The following EPHB3 variants were observed in gnomAD, a reference collection of about 807,000 sequenced individuals.
EPHB3 encodes the protein ephrin type-B receptor 3.
A neutral mutation model predicts 100.2 loss-of-function variants in EPHB3; 33 were observed. The ratio of observed to expected loss-of-function variants is 0.33; its 90% confidence interval spans 0.25 to 0.44. The LOEUF (loss-of-function observed/expected upper bound fraction) is 0.44, where lower values mean the gene tolerates loss of function less well. Among genes scored for constraint, EPHB3 ranks in the 20% least tolerant of loss-of-function variants. EPHB3 has a pLI of 1.00. For synonymous variants in EPHB3, 526 were observed against 554.7 expected (o/e 0.95, Z 0.73); for missense variants, 1,045 against 1,378.3 (o/e 0.76, Z 3.83).
chr3:184,578,376 C>T lies in EPHB3; in HGVS notation c.1749-38C>T. ...GCCCTGAACAAAGGGAGGCAGATGA[C>T]TTGTCTCAGGCCTGCCCTCCACCCT... On this transcript the variant is annotated intron_variant, in intron 8 of 15. Coordinates refer to ENST00000330394, the MANE Select transcript of EPHB3 (RefSeq NM_004443.4). This position sits in a 1 kb window ranked among gnomAD's most constrained non-coding sequence, Gnocchi z 4.7. The T allele has an allele frequency of 6.2e-7, 1 of 1,613,638 alleles. No individual in the cohort carries two copies. Among genetic ancestry groups the T allele is most frequent in the East Asian group, 2.2e-5 (1 of 44,880 alleles).
At position 184,573,976 on chromosome 3, in the gene EPHB3, A is replaced by G. The variant is rs1714610091; in HGVS notation, c.856+800A>G. On this transcript the variant is annotated intron_variant, in intron 3 of 15. Coordinates refer to ENST00000330394, the MANE Select transcript of EPHB3 (RefSeq NM_004443.4). This position sits in a 1 kb window ranked among gnomAD's most constrained non-coding sequence, Gnocchi z 4.5. ...GTGATCCACCCGCCTCGGCCTCCCA[A>G]AGCGTTGGGATTACAGGTGTAAGCC... Among the ~76,000 whole-genome samples, 1 of 152,076 alleles carries G rather than the reference A, an allele frequency of 6.6e-6. No individual in the cohort carries two copies. The highest frequency in any genetic ancestry group is 1.5e-5 in the Non-Finnish European group (1 of 68,002).
rs748640806 is a variant in EPHB3 at position 184,577,427 on chromosome 3, A to G, written c.1439A>G (p.Asn480Ser). 10 of 1,613,876 alleles carry G rather than the reference A, an allele frequency of 6.2e-6. No homozygotes were observed. The highest frequency in any genetic ancestry group is 1.7e-5 in the Admixed American group (1 of 60,000). The change falls in exon 6 of 16, where the codon AAC becomes AGC. Residue 480 changes from asparagine to serine, a missense_variant. Transcript: ENST00000330394. The surrounding 1 kb of genome is among the most constrained non-coding windows in gnomAD (Gnocchi z 4.9). ...TLSWAPPERP[N>S]GVILDYEMKY... ...TCCTGGGCACCCCCAGAGCGGCCCA[A>G]CGGAGTCATCCTGGACTACGAGATG...
rs1288655566 is a variant in EPHB3 at position 184,562,102 on chromosome 3, C to T, written c.-134C>T. 1 of 170,980 alleles carries T rather than the reference C, an allele frequency of 5.8e-6. No individual in the cohort carries two copies. The highest frequency in any genetic ancestry group is 1.2e-5 in the Non-Finnish European group (1 of 81,532). The allele number at this position is 170,980 out of a possible 1,614,324, so 10.6% of individuals were successfully genotyped here. On this transcript the variant is annotated 5_prime_UTR_variant, in exon 1 of 16. Transcript: ENST00000330394. The surrounding 1 kb of genome is among the most constrained non-coding windows in gnomAD (Gnocchi z 4.8). ...GCCCGCCTGGATTGCATTCCCTCCT[C>T]TCCTGGATCTCCTGGGACCCGACGC...
In EPHB3 at chr3:184,562,283, T is replaced by C. The variant is rs2108432550; in HGVS notation, c.48T>C (p.Leu16=). 8.2e-7 allele frequency: 1 copy of C among 1,225,606 alleles called. No homozygotes were observed. Among genetic ancestry groups the C allele is most frequent in the Non-Finnish European group, 1.0e-6 (1 of 979,732 alleles). The allele number at this position is 1,225,606 out of a possible 1,614,324, so 75.9% of individuals were successfully genotyped here. Residue 16 remains leucine (L), a synonymous_variant, in exon 1 of 16, where the codon CTT becomes CTC. Transcript: ENST00000330394. The surrounding 1 kb of genome is among the most constrained non-coding windows in gnomAD (Gnocchi z 4.8). ...PPPPPSPPPG[L]LPLLPPLLLL... ...CGCCGCCGTCGCCGCCGCCGGGGCT[T>C]CTGCCGCTGCTCCCTCCGCTGCTGC...
In EPHB3 at chr3:184,575,951, T is replaced by G. The variant is rs368716878; in HGVS notation, c.978T>G (p.Arg326=). ...SICTCHNNFY[R]ADSDSADSAC... is the part of the protein sequence containing the mutation. ...GCACCTGCCACAATAACTTCTACCG[T>G]GCAGACTCGGACTCTGCGGACAGTG... is the stretch of plus-strand genomic sequence containing the variant. The change falls in exon 4 of 16, where the codon CGT becomes CGG. Residue 326 remains arginine (R), a synonymous_variant. Transcript: ENST00000330394. 83 of 1,613,656 alleles carry G rather than the reference T, an allele frequency of 5.1e-5. No homozygotes were observed. Among genetic ancestry groups the G allele is most frequent in the Middle Eastern group, 3.3e-4 (2 of 6,080 alleles).
In EPHB3 at chr3:184,576,996, C is replaced by T. The variant is rs1714692246; in HGVS notation, c.1167C>T (p.Cys389=). 6.2e-7 allele frequency: 1 copy of T among 1,613,888 alleles called. No individual in the cohort carries two copies. Among genetic ancestry groups the T allele is most frequent in the African/African-American group, 1.3e-5 (1 of 75,070 alleles). ...KCHGAGGASA[C]SRCDDNVEFV... ...ATGGGGCTGGAGGGGCCTCAGCCTGCTCACGCTGTGATGACAACGTGGAGT... is the reference window on the plus strand; with the variant it reads ...ATGGGGCTGGAGGGGCCTCAGCCTGTTCACGCTGTGATGACAACGTGGAGT... The change falls in exon 5 of 16, where the codon TGC becomes TGT. Residue 389 remains cysteine (C), a synonymous_variant. Transcript: ENST00000330394.
chr3:184,577,009 G>A lies in EPHB3; in HGVS notation c.1180G>A (p.Asp394Asn). The change falls in exon 5 of 16, where the codon GAC becomes AAC. Residue 394 changes from aspartate to asparagine, a missense_variant. By Grantham distance (23) the Asp-to-Asn change is conservative. Around this residue, in one of 2 missense-constraint regions of EPHB3, gnomAD observed 985 missense variants for 1,331.1 expected, o/e 0.74. Transcript: ENST00000330394. This position sits in a 1 kb window ranked among gnomAD's most constrained non-coding sequence, Gnocchi z 4.9. Reference protein sequence around the residue: ...GGASACSRCDDNVEFVPRQLG... With the variant: ...GGASACSRCDNNVEFVPRQLG... ...GGCCTCAGCCTGCTCACGCTGTGAT[G>A]ACAACGTGGAGTTTGTGCCTCGGCA... 6.2e-7 allele frequency: 1 copy of A among 1,614,002 alleles called. No individual in the cohort carries two copies. Among genetic ancestry groups the A allele is most frequent in the Non-Finnish European group, 8.5e-7 (1 of 1,180,020 alleles).
chr3:184,566,027 G>T (rs1285942997), intron 1 of EPHB3, among the ~76,000 whole-genome samples: 1 of 150,028 alleles, frequency 6.7e-6, no homozygotes, highest in Non-Finnish European at 1.5e-5. Context: ...TTGGGCAGCT[G>T]GGGGGGGTGA....
At chr3:184,576,529 G>A (rs1714681258) in intron 4 of EPHB3, among the ~76,000 whole-genome samples, 1 of 152,330 alleles carries the variant, frequency 6.6e-6, no homozygotes, top group East Asian at 1.9e-4. Context: ...AGAAATAGGT[G>A]TAAAAACAGA....
rs112247281 is a variant in EPHB3, at chr3:184,572,938, C to A, written c.618C>A (p.Arg206=). 6.3e-7 allele frequency: 1 copy of A among 1,576,134 alleles called. No homozygotes were observed. ...QGACMSLISV[R]AFYKKCASTT... ...CCTGCATGTCGCTCATCTCCGTGCGCGCCTTCTACAAGAAGTGTGCATCCA... is the reference window on the plus strand; with the variant it reads ...CCTGCATGTCGCTCATCTCCGTGCGAGCCTTCTACAAGAAGTGTGCATCCA... The change falls in exon 3 of 16, where the codon CGC becomes CGA. Residue 206 remains arginine, a synonymous_variant. Coordinates refer to ENST00000330394, the MANE Select transcript of EPHB3 (RefSeq NM_004443.4). The surrounding 1 kb of genome is among the most constrained non-coding windows in gnomAD (Gnocchi z 6.6).
intron 1 of EPHB3, among the ~76,000 whole-genome samples, chr3:184,568,899 C>G (rs1714464808): frequency 6.6e-6 from 1 of 150,898 alleles, no homozygotes; most frequent in South Asian, 2.1e-4. Context: ...CCCTCCCTCT[C>G]TCGCTCCCCA....
Position 184,575,921 on chromosome 3 carries a change from C to T in EPHB3, c.948C>T (p.Ser316=). 6.2e-7 allele frequency: 1 copy of T among 1,613,896 alleles called. No homozygotes were observed. Among genetic ancestry groups the T allele is most frequent in the African/African-American group, 1.3e-5 (1 of 75,048 alleles). The change falls in exon 4 of 16, where the codon AGC becomes AGT. Residue 316 remains serine (S), a synonymous_variant. Coordinates refer to ENST00000330394, the MANE Select transcript of EPHB3 (RefSeq NM_004443.4). ...PNSRTTSPAA[S]ICTCHNNFYR... ...GCCGTACCACCTCCCCAGCCGCCAGCATCTGCACCTGCCACAATAACTTCT... is the reference window on the plus strand; with the variant it reads ...GCCGTACCACCTCCCCAGCCGCCAGTATCTGCACCTGCCACAATAACTTCT...
rs928004541 is a variant in EPHB3 at position 184,564,928 on chromosome 3, G to T, written c.118+2575G>T. ...CTTTCTCCATCCAACCTACCATTTG[G>T]TTTCGTCAGGATTTGGTCTGCCCTT... On this transcript the variant is annotated intron_variant, in intron 1 of 15. Coordinates refer to ENST00000330394, the MANE Select transcript of EPHB3 (RefSeq NM_004443.4). Among the ~76,000 whole-genome samples, 3 of 152,176 alleles carry T rather than the reference G, an allele frequency of 2.0e-5. No homozygotes were observed. In the East Asian group the frequency reaches 5.8e-4, roughly 29 times the overall value.
rs375598096 is a variant in EPHB3 at position 184,578,508 on chromosome 3, C to A, written c.1801+42C>A. On this transcript the variant is annotated intron_variant, in intron 9 of 15. Transcript: ENST00000330394. The surrounding 1 kb of genome is among the most constrained non-coding windows in gnomAD (Gnocchi z 4.7). ...CGCCCTCCCCAAGCTCTCCCAGCCC[C>A]CTGCAGGGCTCTCAGACACCCTTCT... 4.3e-6 allele frequency: 7 copies of A among 1,612,452 alleles called. No homozygotes were observed. The highest frequency in any genetic ancestry group is 5.9e-6 in the Non-Finnish European group (7 of 1,178,898).
chr3:184,573,327 A>T lies in EPHB3; in HGVS notation c.856+151A>T, dbSNP rs941034260. On this transcript the variant is annotated intron_variant, in intron 3 of 15. Coordinates refer to ENST00000330394, the MANE Select transcript of EPHB3 (RefSeq NM_004443.4). This position sits in a 1 kb window ranked among gnomAD's most constrained non-coding sequence, Gnocchi z 4.5. ...CAGGAGAGGGAAGAGTGGGGATCAGATGCAGAGAATGTTGTGTAAGGAGGG... is the reference window on the plus strand; with the variant it reads ...CAGGAGAGGGAAGAGTGGGGATCAGTTGCAGAGAATGTTGTGTAAGGAGGG... The T allele has an allele frequency of 6.3e-5, 59 of 930,684 alleles. 1 individual carries two copies. The highest frequency in any genetic ancestry group is 9.6e-6 in the Non-Finnish European group (6 of 625,936). The allele number at this position is 930,684 out of a possible 1,614,324, so 57.7% of individuals were successfully genotyped here.
chr3:184,565,693 GT>G lies in EPHB3; in HGVS notation c.118+3343del, dbSNP rs1396205865. Among the ~76,000 whole-genome samples, 1 of 152,184 alleles carries G rather than the reference GT, an allele frequency of 6.6e-6. No individual in the cohort carries two copies. The highest frequency in any genetic ancestry group is 1.5e-5 in the Non-Finnish European group (1 of 68,032). On this transcript the variant is annotated intron_variant, in intron 1 of 15. Coordinates refer to ENST00000330394, the MANE Select transcript of EPHB3 (RefSeq NM_004443.4). This position sits in a 1 kb window ranked among gnomAD's most constrained non-coding sequence, Gnocchi z 4.8. ...CAGGATTTGGAGGGCTTGCTCACTT[GT>G]TTGAGTTGCCTCTGGCACCCCCAAA... is the stretch of plus-strand genomic sequence containing the variant.
intron 1 of EPHB3, among the ~76,000 whole-genome samples, chr3:184,567,820 CAT>C (rs1315261136): frequency 6.6e-6 from 1 of 152,172 alleles, no homozygotes; most frequent in Non-Finnish European, 1.5e-5. Flanking sequence ...TCTGTGTGCG[CAT>C]ATGTTTCAGG....
rs1284044665 is a variant in EPHB3, at chr3:184,563,775, C to A, written c.118+1422C>A. On this transcript the variant is annotated intron_variant, in intron 1 of 15. Transcript: ENST00000330394. This position sits in a 1 kb window ranked among gnomAD's most constrained non-coding sequence, Gnocchi z 4.1. ...TGCCTTGAGGGTGTGAGCCAGGGAG[C>A]CTGTTCTAGTTGCCAGATCTGTGTC... Among the ~76,000 whole-genome samples, 1 of 152,182 alleles carries A rather than the reference C, an allele frequency of 6.6e-6. No individual in the cohort carries two copies. The highest frequency in any genetic ancestry group is 2.4e-5 in the African/African-American group (1 of 41,438).
chr3:184,575,581 C>T (rs1714654472), intron 3 of EPHB3, among the ~76,000 whole-genome samples: 2 of 151,256 alleles, frequency 1.3e-5, no homozygotes, highest in South Asian at 4.2e-4. Context: ...CGTCTTCGTC[C>T]ATGAGGCCCC....
Sources: allele counts gnomAD v4.1 joint callset (sites outside exome capture counted in the v4.1 genomes callset), GRCh38; gene constraint gnomAD v4.1.1; regional missense constraint gnomAD v4.1.1; non-coding constraint Gnocchi (gnomAD v3.1); transcripts MANE v1.5; gene names NCBI Gene and HGNC (gene_info 2026-07-23, HGNC 2026-07-21).